Variants in PHACTR1 observed in about 807,000 individuals in gnomAD.
The protein encoded by PHACTR1 is RPEL repeat containing 1.
PHACTR1 carries 16 observed loss-of-function variants against 69.2 expected under a neutral mutation model. The observed-to-expected ratio is 0.23, with a 90% CI of 0.16 to 0.35. PHACTR1 has a LOEUF of 0.35. Ranked by LOEUF, PHACTR1 falls within the 10% of genes least tolerant of loss-of-function variation. The pLI, the probability that PHACTR1 is intolerant of heterozygous loss-of-function variation, is 1.00. For synonymous variants in PHACTR1, 312 were observed against 284.5 expected, an observed-to-expected ratio of 1.10 and a Z score of -0.97; for missense variants, 510 against 734.7, an observed-to-expected ratio of 0.69 and a Z score of 3.54.
At chr6:12,962,020 C>G (rs536935038) in intron 4 of PHACTR1, among the ~76,000 whole-genome samples, 1 of 152,272 alleles carries the variant, frequency 6.6e-6, no homozygotes, top group East Asian at 1.9e-4. Flanking sequence ...CCTTGATCTC[C>G]TGGGCTCAAG....
At chr6:12,768,406 G>T (rs1305107005) in intron 4 of PHACTR1, among the ~76,000 whole-genome samples, 1 of 152,136 alleles carries the variant, frequency 6.6e-6, no homozygotes, top group Non-Finnish European at 1.5e-5. Context: ...GAGCCACCGC[G>T]CCCGGCCCAA....
intron 5 of PHACTR1, among the ~76,000 whole-genome samples, chr6:13,071,750 T>C (rs1256097842): frequency 6.6e-6 from 1 of 152,204 alleles, no homozygotes; most frequent in East Asian, 1.9e-4. Context: ...TTTTGTTCCG[T>C]ATTGCTGGGG....
Position 12,798,039 on chromosome 6 carries a change from G to GACACACACACACACACACACACAC in PHACTR1, c.250+48256_250+48279dup, listed in dbSNP as rs10529531. ...ACTGTCAATGTCTCATCATTTCCTA[G>GACACACACACACACACACACACAC]ACACACACACACACACACACACACA... On this transcript the variant is annotated intron_variant, in intron 4 of 14. Transcript: ENST00000332995. Among the ~76,000 whole-genome samples the GACACACACACACACACACACACAC allele has an allele frequency of 2.3e-3, 316 of 137,870 alleles. 1 individual carries two copies. The highest frequency in any genetic ancestry group is 6.6e-3 in the African/African-American group (238 of 35,810). The allele number at this position is 137,870 out of a possible 152,430, so 90.4% of individuals were successfully genotyped here.
intron 4 of PHACTR1, among the ~76,000 whole-genome samples, chr6:12,766,813 T>C (rs761377610): frequency 5.3e-5 from 8 of 152,234 alleles, no homozygotes; most frequent in Non-Finnish European, 8.8e-5. Context: ...ACCAATTTAA[T>C]GTGGCAACTT....
intron 4 of PHACTR1, among the ~76,000 whole-genome samples, chr6:13,017,876 G>C (rs1800414068): frequency 6.6e-6 from 1 of 152,098 alleles, no homozygotes; most frequent in South Asian, 2.1e-4. Flanking sequence ...GATGGATTTA[G>C]AAACAAGACG....
chr6:12,872,700 C>G (rs186083187), intron 4 of PHACTR1, among the ~76,000 whole-genome samples: 13 of 152,244 alleles, frequency 8.5e-5, no homozygotes, highest in Admixed American at 4.6e-4. Flanking sequence ...CCCATGACAT[C>G]AAATGCCCCC....
intron 8 of PHACTR1, among the ~76,000 whole-genome samples, chr6:13,224,778 T>G (rs935680162): frequency 2.0e-5 from 3 of 152,230 alleles, no homozygotes; most frequent in Admixed American, 2.0e-4. Flanking sequence ...TTTTGTAGAC[T>G]TGAGAGGCAT....
In PHACTR1 at chr6:12,716,887, A is replaced by G. The variant is rs1761431794; in HGVS notation, c.-291A>G. The G allele has an allele frequency of 6.6e-6, 1 of 151,856 alleles. No individual in the cohort carries two copies. Among genetic ancestry groups the G allele is most frequent in the Non-Finnish European group, 1.5e-5 (1 of 67,986 alleles). 9.4% of individuals were successfully genotyped at this position (151,856 alleles called of 1,614,324 possible). A position where few individuals can be genotyped will look rare whatever the true frequency, so the allele number is the denominator to read the frequency against. Reference sequence around the variant, plus strand: ...TACCGTGTCCTGTTGAAAGGGGTCAACAAGTGCCGGTGAGTATCCGCTAAC... The same window carrying G: ...TACCGTGTCCTGTTGAAAGGGGTCAGCAAGTGCCGGTGAGTATCCGCTAAC... On this transcript the variant is annotated 5_prime_UTR_variant, in exon 1 of 15. Coordinates refer to ENST00000332995, the MANE Select transcript of PHACTR1 (RefSeq NM_030948.6).
intron 5 of PHACTR1, among the ~76,000 whole-genome samples, chr6:13,111,752 C>T (rs1042266478): frequency 3.9e-5 from 6 of 152,192 alleles, no homozygotes; most frequent in Non-Finnish European, 8.8e-5. Context: ...TAATAATCAA[C>T]TCATTACAGT....
chr6:12,745,841 G>A (rs1363286027), intron 3 of PHACTR1, among the ~76,000 whole-genome samples: 1 of 152,184 alleles, frequency 6.6e-6, no homozygotes, highest in Non-Finnish European at 1.5e-5. Context: ...GAGGTGAATG[G>A]GACCCATGCT....
chr6:12,916,781 C>G (rs1015146407), intron 4 of PHACTR1, among the ~76,000 whole-genome samples: 1 of 152,052 alleles, frequency 6.6e-6, no homozygotes, highest in Non-Finnish European at 1.5e-5. Context: ...TATGTGCACC[C>G]TTAATATAAA....
chr6:12,730,884 T>C (rs1175991605), intron 3 of PHACTR1, among the ~76,000 whole-genome samples: 1 of 152,190 alleles, frequency 6.6e-6, no homozygotes, highest in African/African-American at 2.4e-5. Flanking sequence ...GTAAGGATAA[T>C]GGCCTCTAGC....
At chr6:12,883,890 A>G (rs948148434) in intron 4 of PHACTR1, among the ~76,000 whole-genome samples, 3 of 152,080 alleles carry the variant, frequency 2.0e-5, no homozygotes, top group African/African-American at 7.2e-5. Context: ...CAGTATATGT[A>G]TTTCTTCATC....
chr6:12,805,640 G>T (rs576192279), intron 4 of PHACTR1, among the ~76,000 whole-genome samples: 2 of 147,018 alleles, frequency 1.4e-5, no homozygotes, highest in East Asian at 1.9e-4. Flanking sequence ...TTGCTCTGTT[G>T]CCCAGGCTGG....
chr6:13,091,362 C>T (rs1356332782), intron 5 of PHACTR1, among the ~76,000 whole-genome samples: 1 of 152,094 alleles, frequency 6.6e-6, no homozygotes, highest in African/African-American at 2.4e-5. Context: ...CTATATTGGA[C>T]CAAACTTGGC....
intron 4 of PHACTR1, among the ~76,000 whole-genome samples, chr6:12,966,708 A>G (rs183389565): frequency 6.6e-6 from 1 of 152,302 alleles, no homozygotes; most frequent in East Asian, 1.9e-4. Context: ...AGGGTGGTTA[A>G]AATGATTTGG....
intron 5 of PHACTR1, among the ~76,000 whole-genome samples, chr6:13,072,392 A>C (rs1416772802): frequency 6.6e-6 from 1 of 152,254 alleles, no homozygotes; most frequent in Non-Finnish European, 1.5e-5. Flanking sequence ...TTTAAAAAAT[A>C]TAAATAATTG....
chr6:13,210,603 G>A lies in PHACTR1; in HGVS notation c.986+4467G>A, dbSNP rs77835438. ...ACGTATTAGCTGTGTGACCCAAAGC[G>A]TATGGCTCAACCTCTTTTTGATTTT... is the stretch of plus-strand genomic sequence containing the variant. On this transcript the variant is annotated intron_variant, in intron 8 of 14. Coordinates refer to ENST00000332995, the MANE Select transcript of PHACTR1 (RefSeq NM_030948.6). Among the ~76,000 whole-genome samples the A allele has an allele frequency of 2.9e-3, 443 of 152,238 alleles. 2 individuals are homozygous for A. Among genetic ancestry groups the A allele is most frequent in the Non-Finnish European group, 5.0e-3 (338 of 68,018 alleles).
chr6:13,239,542 GA>G (rs1173143589), intron 10 of PHACTR1, among the ~76,000 whole-genome samples: 2 of 152,214 alleles, frequency 1.3e-5, no homozygotes, highest in African/African-American at 2.4e-5. Flanking sequence ...TGGAAGGTGA[GA>G]AAGCTGTCTG....
Sources: allele counts gnomAD v4.1 joint callset (sites outside exome capture counted in the v4.1 genomes callset), GRCh38; gene constraint gnomAD v4.1.1; transcripts MANE v1.5; gene names NCBI Gene and HGNC (gene_info 2026-07-23, HGNC 2026-07-21).